Variants in IMMP2L observed in about 807,000 individuals in gnomAD.
IMMP2L encodes mitochondrial inner membrane protease subunit 2.
IMMP2L carries 18 observed loss-of-function variants against 19.3 expected under a neutral mutation model. The observed-to-expected ratio is 0.93, with a 90% CI of 0.64 to 1.38. IMMP2L has a LOEUF of 1.38. Among genes scored for constraint, IMMP2L ranks in the 40% most tolerant of loss-of-function variants. The pLI is 0.00. For missense variants in IMMP2L, 233 were observed against 218.2 expected (o/e 1.07, Z -0.43); for synonymous variants, 76 against 73.0 (o/e 1.04, Z -0.21).
chr7:111,218,643 C>T (rs1812212652), intron 3 of IMMP2L, among the ~76,000 whole-genome samples: 1 of 151,944 alleles, frequency 6.6e-6, no homozygotes, highest in East Asian at 1.9e-4. Flanking sequence ...TGGGAGAACT[C>T]CAATTAACCT....
At chr7:111,013,815 A>G (rs1825218845) in intron 3 of IMMP2L, among the ~76,000 whole-genome samples, 1 of 152,122 alleles carries the variant, frequency 6.6e-6, no homozygotes, top group African/African-American at 2.4e-5. Flanking sequence ...AACATTAAGT[A>G]GACTGCTTAT....
At chr7:111,101,607 G>T (rs1371867028) in intron 3 of IMMP2L, among the ~76,000 whole-genome samples, 1 of 151,228 alleles carries the variant, frequency 6.6e-6, no homozygotes, top group Non-Finnish European at 1.5e-5. Flanking sequence ...GGTACAACAG[G>T]TACAATAGGT....
chr7:110,823,045 T>C (rs1331825168), intron 5 of IMMP2L, among the ~76,000 whole-genome samples: 1 of 152,104 alleles, frequency 6.6e-6, no homozygotes. Flanking sequence ...GCCATTTAAA[T>C]GGAAATGCCA....
At chr7:111,249,665 T>C (rs947802447) in intron 3 of IMMP2L, among the ~76,000 whole-genome samples, 2 of 152,188 alleles carry the variant, frequency 1.3e-5, no homozygotes, top group Admixed American at 6.5e-5. Flanking sequence ...AAAAAACACA[T>C]GATTATCTCA....
intron 3 of IMMP2L, among the ~76,000 whole-genome samples, chr7:111,445,142 A>G (rs1189530749): frequency 6.6e-6 from 1 of 151,930 alleles, no homozygotes; most frequent in African/African-American, 2.4e-5. Flanking sequence ...ATCCTTTCCC[A>G]TCTCTCTTCT....
intron 3 of IMMP2L, among the ~76,000 whole-genome samples, chr7:111,223,089 T>C (rs1812697076): frequency 6.6e-6 from 1 of 152,012 alleles, no homozygotes; most frequent in Non-Finnish European, 1.5e-5. Flanking sequence ...CCAAATTTTA[T>C]ACACTATTAA....
At chr7:110,981,132 T>C (rs1821251265) in intron 3 of IMMP2L, among the ~76,000 whole-genome samples, 1 of 152,194 alleles carries the variant, frequency 6.6e-6, no homozygotes, top group African/African-American at 2.4e-5. Context: ...ACAAGCCTTA[T>C]TGCCATATCT....
At chr7:111,349,970 CTT>C (rs11325040) in intron 3 of IMMP2L, among the ~76,000 whole-genome samples, 1,568 of 142,978 alleles carry the variant, frequency 0.011, 27 homozygotes, top group African/African-American at 0.036. Context: ...AAAGATGGTC[CTT>C]TTTTTTTTTT....
At chr7:111,532,263 CCTA>C (rs1200922386) in intron 1 of IMMP2L, among the ~76,000 whole-genome samples, 3 of 152,084 alleles carry the variant, frequency 2.0e-5, no homozygotes. Flanking sequence ...CACATTTTTT[CCTA>C]CTATCTGACA....
intron 4 of IMMP2L, among the ~76,000 whole-genome samples, chr7:110,954,957 C>T (rs1405886269): frequency 1.3e-5 from 2 of 151,986 alleles, no homozygotes; most frequent in Admixed American, 1.3e-4. Context: ...CACATGAAAG[C>T]GTATGCCCTA....
chr7:111,010,330 T>C (rs1461767996), intron 3 of IMMP2L, among the ~76,000 whole-genome samples: 1 of 152,192 alleles, frequency 6.6e-6, no homozygotes, highest in Non-Finnish European at 1.5e-5. Flanking sequence ...TTTAGTAATG[T>C]AACTCAAAAT....
chr7:110,907,313 A>T (rs1942541989), intron 4 of IMMP2L, among the ~76,000 whole-genome samples: 1 of 152,182 alleles, frequency 6.6e-6, no homozygotes, highest in East Asian at 1.9e-4. Flanking sequence ...AAAGGAGGAT[A>T]CAACAGGAAG....
At chr7:111,115,919 C>G (rs969289893) in intron 3 of IMMP2L, among the ~76,000 whole-genome samples, 1 of 152,116 alleles carries the variant, frequency 6.6e-6, no homozygotes, top group African/African-American at 2.4e-5. Context: ...TTAGGTGATC[C>G]ACCCAACTCA....
intron 3 of IMMP2L, among the ~76,000 whole-genome samples, chr7:111,431,508 A>T (rs1836631027): frequency 6.6e-6 from 1 of 151,900 alleles, no homozygotes; most frequent in Admixed American, 6.6e-5. Flanking sequence ...CATGTGCAGA[A>T]TGCAAGATCA....
chr7:110,861,192 A>AGCTAAATTAATTTTT (rs1280129488), intron 5 of IMMP2L, among the ~76,000 whole-genome samples: 2 of 151,946 alleles, frequency 1.3e-5, no homozygotes, highest in Non-Finnish European at 2.9e-5. Context: ...AAGAAAAATA[A>AGCTAAATTAATTTTT]GCTAAATTAA....
chr7:110,749,793 G>A lies in IMMP2L; in HGVS notation c.409-86072C>T, dbSNP rs368557912. On this transcript the variant is annotated intron_variant, in intron 5 of 5. Coordinates refer to ENST00000405709, the MANE Select transcript of IMMP2L (RefSeq NM_032549.4). ...GATAGCATTAGGAAAAATATCTAAC[G>A]TAGATGATGGGTTGAATGGGTGCAG... is the stretch of plus-strand genomic sequence containing the variant. Among the ~76,000 whole-genome samples, 31 of 152,170 alleles carry A rather than the reference G, an allele frequency of 2.0e-4. No homozygotes were observed. In the East Asian group the frequency reaches 3.7e-3, roughly 18 times the overall value.
At chr7:110,787,661 C>T (rs528153649) in intron 5 of IMMP2L, among the ~76,000 whole-genome samples, 1 of 151,926 alleles carries the variant, frequency 6.6e-6, no homozygotes, top group South Asian at 2.1e-4. Flanking sequence ...TAAGCCAAAA[C>T]AAAAAGATTC....
At chr7:111,031,641 C>G (rs1259101347) in intron 3 of IMMP2L, among the ~76,000 whole-genome samples, 1 of 152,048 alleles carries the variant, frequency 6.6e-6, no homozygotes, top group East Asian at 1.9e-4. Flanking sequence ...CGGAGGAAAT[C>G]CAAATGATTT....
chr7:111,156,064 GAATTT>G (rs916186542), intron 3 of IMMP2L, among the ~76,000 whole-genome samples: 2 of 151,846 alleles, frequency 1.3e-5, no homozygotes, highest in Admixed American at 6.6e-5. Flanking sequence ...TTGCTCTATA[GAATTT>G]AATTTTATAT....
Sources: gnomAD v4.1 joint callset for allele counts (sites outside exome capture counted in the v4.1 genomes callset) on GRCh38, gnomAD v4.1.1 for gene constraint, MANE v1.5 for transcripts, NCBI Gene and HGNC (gene_info 2026-07-23, HGNC 2026-07-21) for gene names.